SLIT2: variants seen among roughly 807,000 people sequenced by gnomAD.
The protein encoded by SLIT2 is slit guidance ligand 2.
Under a neutral mutation model 185.7 loss-of-function variants are expected in SLIT2, and 41 were observed. The observed-to-expected ratio is 0.22, with a 90% CI of 0.17 to 0.29. The LOEUF (loss-of-function observed/expected upper bound fraction) is 0.29, where lower values mean the gene tolerates loss of function less well. Ranked by LOEUF, SLIT2 falls within the 10% of genes least tolerant of loss-of-function variation. The pLI, the probability that SLIT2 is intolerant of heterozygous loss-of-function variation, is 1.00. For synonymous variants in SLIT2, 693 were observed against 680.2 expected, an observed-to-expected ratio of 1.02 and a Z score of -0.29; for missense variants, 1,571 against 1,909.0, an observed-to-expected ratio of 0.82 and a Z score of 3.30.
chr4:20,459,745 T>C (rs1246885289), intron 4 of SLIT2, among the ~76,000 whole-genome samples: 2 of 152,212 alleles, frequency 1.3e-5, no homozygotes, highest in Non-Finnish European at 2.9e-5. Context: ...TTTTCTTTTC[T>C]AATTTCCCTG....
chr4:20,365,624 G>A (rs897827347), intron 4 of SLIT2, among the ~76,000 whole-genome samples: 10 of 151,982 alleles, frequency 6.6e-5, no homozygotes, highest in African/African-American at 2.2e-4. Context: ...CATCTCATTG[G>A]GCAACACCCA....
chr4:20,331,042 C>T (rs1720023217), intron 4 of SLIT2, among the ~76,000 whole-genome samples: 1 of 152,038 alleles, frequency 6.6e-6, no homozygotes. Flanking sequence ...TCTAACAAAA[C>T]TCAGCTTTTT....
At chr4:20,439,346 A>C (rs555868241) in intron 4 of SLIT2, among the ~76,000 whole-genome samples, 1 of 152,314 alleles carries the variant, frequency 6.6e-6, no homozygotes, top group South Asian at 2.1e-4. Context: ...GTCCAAGATC[A>C]AGGTGTCCAC....
intron 19 of SLIT2, among the ~76,000 whole-genome samples, chr4:20,541,225 C>G (rs2292441): frequency 0.29 from 43,892 of 151,896 alleles, 6,618 homozygotes; most frequent in Middle Eastern, 0.41. Flanking sequence ...GAAGAATTAC[C>G]TTATGTAAAA....
At chr4:20,430,019 GA>G (rs1728849257) in intron 4 of SLIT2, among the ~76,000 whole-genome samples, 1 of 152,032 alleles carries the variant, frequency 6.6e-6, no homozygotes. Context: ...AGCTAACCAG[GA>G]AAAGTTTATA....
chr4:20,490,371 A>G (rs1717672036), intron 8 of SLIT2, among the ~76,000 whole-genome samples: 1 of 151,146 alleles, frequency 6.6e-6, no homozygotes. Context: ...GATTACATAT[A>G]TACACACACA....
intron 19 of SLIT2, 75 bp from the exon 20 acceptor site, chr4:20,541,377 AG>A (rs963352508): frequency 3.4e-5 from 43 of 1,259,744 alleles, no homozygotes; most frequent in Non-Finnish European, 4.2e-5. Flanking sequence ...AGCGTGGAGA[AG>A]GGTAGCTGGG....
chr4:20,498,164 C>T (rs1344643450), intron 9 of SLIT2, among the ~76,000 whole-genome samples: 1 of 152,050 alleles, frequency 6.6e-6, no homozygotes, highest in Non-Finnish European at 1.5e-5. Flanking sequence ...CAGAGCGAGG[C>T]TCCGTCTCAA....
Position 20,314,056 on chromosome 4 carries a change from G to A in SLIT2, c.395+45175G>A, listed in dbSNP as rs937739558. On this transcript the variant is annotated intron_variant, in intron 4 of 36. Coordinates refer to ENST00000504154, the MANE Select transcript of SLIT2 (RefSeq NM_004787.4). ...TCTCAATCCAGGAGCAATTAAATTT[G>A]TACATTAGGTAATAAGCATTTTTCT... Among the ~76,000 whole-genome samples the A allele has an allele frequency of 8.5e-5, 13 of 152,152 alleles. 1 individual carries two copies. The highest frequency in any genetic ancestry group is 3.1e-4 in the African/African-American group (13 of 41,422).
intron 5 of SLIT2, among the ~76,000 whole-genome samples, chr4:20,478,735 G>A (rs1289496605): frequency 3.9e-5 from 6 of 152,194 alleles, no homozygotes; most frequent in Non-Finnish European, 7.3e-5. Flanking sequence ...TTTGTAGTGT[G>A]TCAGGGGTAA....
intron 33 of SLIT2, among the ~76,000 whole-genome samples, chr4:20,601,767 T>C (rs1291989427): frequency 6.6e-6 from 1 of 152,220 alleles, no homozygotes; most frequent in African/African-American, 2.4e-5. Flanking sequence ...GCTGTCCCAT[T>C]AGTTGCTAAT....
At chr4:20,472,385 TGTAG>T (rs201630557) in intron 5 of SLIT2, among the ~76,000 whole-genome samples, 23 of 39,226 alleles carry the variant, frequency 5.9e-4, no homozygotes, top group African/African-American at 2.1e-3. Context: ...TCTATATATA[TGTAG>T]ATATATAGAT....
chr4:20,472,295 G>GATATATATCTATATATCTAT lies in SLIT2; in HGVS notation c.467+4479_467+4480insTCTATATATCTATATATATA, dbSNP rs1205039657. Reference sequence around the variant, plus strand: ...ATATATCTATATATATAGATATATAGATATATAGATCTATATATAGATATA... The same window carrying GATATATATCTATATATCTAT: ...ATATATCTATATATATAGATATATAGATATATATCTATATATCTATATATATAGATCTATATATAGATATA... On this transcript the variant is annotated intron_variant, in intron 5 of 36. Coordinates refer to ENST00000504154, the MANE Select transcript of SLIT2 (RefSeq NM_004787.4). Among the ~76,000 whole-genome samples the GATATATATCTATATATCTAT allele has an allele frequency of 7.3e-4, 19 of 25,874 alleles. 2 individuals are homozygous for GATATATATCTATATATCTAT. The highest frequency in any genetic ancestry group is 4.4e-3 in the African/African-American group (17 of 3,846). 17.0% of individuals were successfully genotyped at this position (25,874 alleles called of 152,430 possible). A position where few individuals can be genotyped will look rare whatever the true frequency, so the allele number is the denominator to read the frequency against.
intron 4 of SLIT2, among the ~76,000 whole-genome samples, chr4:20,454,979 C>T (rs1456534307): frequency 1.3e-5 from 2 of 151,894 alleles, no homozygotes; most frequent in African/African-American, 2.4e-5. Flanking sequence ...CTCTTTTTCT[C>T]TGTCTTTCTC....
chr4:20,514,453 C>CTG (rs1270894038), intron 11 of SLIT2, among the ~76,000 whole-genome samples: 1 of 151,988 alleles, frequency 6.6e-6, no homozygotes, highest in Non-Finnish European at 1.5e-5. Context: ...CTGGCCTGGC[C>CTG]AACATGGTGA....
chr4:20,590,339 C>T (rs116059274), intron 30 of SLIT2, among the ~76,000 whole-genome samples: 4 of 152,124 alleles, frequency 2.6e-5, no homozygotes, highest in Admixed American at 6.6e-5. Flanking sequence ...AAGGCCCAAC[C>T]GGTGACATTT....
chr4:20,298,887 C>G (rs560642369), intron 4 of SLIT2, among the ~76,000 whole-genome samples: 1 of 152,222 alleles, frequency 6.6e-6, no homozygotes, highest in East Asian at 1.9e-4. Context: ...TGAGCTGAGG[C>G]AATATCAGAG....
chr4:20,543,139 T>C (rs1722962695), intron 21 of SLIT2, among the ~76,000 whole-genome samples: 1 of 151,864 alleles, frequency 6.6e-6, no homozygotes, highest in Admixed American at 6.6e-5. Context: ...AACTATCTGG[T>C]ATATGGAAGA....
intron 4 of SLIT2, among the ~76,000 whole-genome samples, chr4:20,434,993 G>A (rs755058708): frequency 1.3e-5 from 2 of 152,116 alleles, no homozygotes; most frequent in Non-Finnish European, 2.9e-5. Flanking sequence ...TATTAATTTA[G>A]TTACTGATGG....
Sources: gnomAD v4.1 joint callset for allele counts (sites outside exome capture counted in the v4.1 genomes callset) on GRCh38, gnomAD v4.1.1 for gene constraint, MANE v1.5 for transcripts, NCBI Gene and HGNC (gene_info 2026-07-23, HGNC 2026-07-21) for gene names.